The following LRMDA variants were observed in gnomAD, a reference collection of about 807,000 sequenced individuals.
LRMDA encodes leucine-rich melanocyte differentiation-associated protein.
Under a neutral mutation model 29.8 loss-of-function variants are expected in LRMDA, and 18 were observed. That is an observed-to-expected ratio of 0.60 (90% confidence interval 0.42 to 0.90). LRMDA has a LOEUF of 0.90. Among genes scored for constraint, LRMDA ranks in the 40% least tolerant of loss-of-function variants. The pLI, the probability that LRMDA is intolerant of heterozygous loss-of-function variation, is 0.00. For missense variants in LRMDA, 273 were observed against 273.9 expected, an observed-to-expected ratio of 1.00 and a Z score of 0.02; for synonymous variants, 125 against 109.4, an observed-to-expected ratio of 1.14 and a Z score of -0.89.
At chr10:75,455,048 C>T (rs1844499779) in intron 2 of LRMDA, among the ~76,000 whole-genome samples, 1 of 152,166 alleles carries the variant, frequency 6.6e-6, no homozygotes, top group Non-Finnish European at 1.5e-5. Flanking sequence ...TGGAGGATGC[C>T]AGTAGGGTTA....
At chr10:75,927,134 A>G (rs1433059973) in intron 2 of LRMDA, among the ~76,000 whole-genome samples, 1 of 152,234 alleles carries the variant, frequency 6.6e-6, no homozygotes, top group African/African-American at 2.4e-5. Flanking sequence ...GCCTCAGCTC[A>G]GGGGTCTCCA....
intron 5 of LRMDA, among the ~76,000 whole-genome samples, chr10:76,081,279 A>G (rs1849044751): frequency 6.6e-6 from 1 of 152,090 alleles, no homozygotes; most frequent in Non-Finnish European, 1.5e-5. Flanking sequence ...AGTTCAAGAA[A>G]AGCCTGGGAA....
intron 2 of LRMDA, among the ~76,000 whole-genome samples, chr10:75,614,647 A>G (rs997493060): frequency 4.6e-5 from 7 of 152,278 alleles, no homozygotes; most frequent in Admixed American, 2.6e-4. Context: ...GGGGCACTTC[A>G]GTCCCTGTGT....
chr10:75,491,056 A>G (rs1844981083), intron 2 of LRMDA, among the ~76,000 whole-genome samples: 1 of 152,264 alleles, frequency 6.6e-6, no homozygotes, highest in Non-Finnish European at 1.5e-5. Flanking sequence ...ACCATCAGGA[A>G]GGAAGGAGAG....
chr10:75,868,805 C>T (rs755049676), intron 2 of LRMDA, among the ~76,000 whole-genome samples: 3 of 152,148 alleles, frequency 2.0e-5, no homozygotes, highest in Non-Finnish European at 4.4e-5. Flanking sequence ...GGCTCACCTT[C>T]AAGGCCTGGC....
chr10:75,880,292 A>G (rs916160342), intron 2 of LRMDA, among the ~76,000 whole-genome samples: 1 of 152,232 alleles, frequency 6.6e-6, no homozygotes, highest in Non-Finnish European at 1.5e-5. Context: ...AAGAAGGAAT[A>G]TATTAGAAAC....
chr10:76,235,205 ACAGT>A (rs1852129733), intron 5 of LRMDA, among the ~76,000 whole-genome samples: 2 of 152,114 alleles, frequency 1.3e-5, no homozygotes, highest in South Asian at 2.1e-4. Flanking sequence ...AGATGGGGAA[ACAGT>A]CAGTTGGTGG....
intron 5 of LRMDA, among the ~76,000 whole-genome samples, chr10:76,183,100 G>T (rs751964061): frequency 6.6e-6 from 1 of 152,146 alleles, no homozygotes; most frequent in Non-Finnish European, 1.5e-5. Context: ...TTTCCTTGTG[G>T]ATGCTGTCCA....
intron 2 of LRMDA, among the ~76,000 whole-genome samples, chr10:75,950,148 C>T (rs1846549231): frequency 1.3e-5 from 2 of 152,174 alleles, no homozygotes; most frequent in South Asian, 4.1e-4. Flanking sequence ...AGGCTGGGGT[C>T]ACCCCCCTTC....
chr10:76,084,407 G>A (rs957118991), intron 5 of LRMDA, among the ~76,000 whole-genome samples: 1 of 82,898 alleles, frequency 1.2e-5, no homozygotes, highest in East Asian at 2.5e-4. Context: ...TAGAGTCAGG[G>A]TTTTACCATG....
At chr10:75,439,536 G>A (rs767411611) in intron 2 of LRMDA, among the ~76,000 whole-genome samples, 4 of 152,224 alleles carry the variant, frequency 2.6e-5, no homozygotes, top group Non-Finnish European at 5.9e-5. Flanking sequence ...AGGCACGAGA[G>A]GTGGAAGAGG....
intron 5 of LRMDA, among the ~76,000 whole-genome samples, chr10:76,258,685 T>C (rs1398819801): frequency 1.3e-5 from 2 of 152,198 alleles, no homozygotes; most frequent in Admixed American, 1.3e-4. Flanking sequence ...TTTTTTAGCT[T>C]CCACAATATG....
chr10:76,307,800 T>A (rs911301320), intron 5 of LRMDA, among the ~76,000 whole-genome samples: 1 of 152,192 alleles, frequency 6.6e-6, no homozygotes, highest in Admixed American at 6.5e-5. Context: ...GAAACAAAGC[T>A]GAGATAGAAA....
Position 75,537,102 on chromosome 10 carries a change from G to T in LRMDA, c.131+98608G>T, listed in dbSNP as rs935977466. 2.0e-5 allele frequency among the ~76,000 whole-genome samples: 3 copies of T among 152,132 alleles called. No individual in the cohort carries two copies. In the South Asian group the frequency reaches 6.2e-4, roughly 31 times the overall value. ...AGAGTGAACTTTTATGCCCAAACTA[G>T]CTAAGAGACTATTTTCTTCTGTCAC... On this transcript the variant is annotated intron_variant, in intron 2 of 6. Coordinates refer to ENST00000611255, the MANE Select transcript of LRMDA (RefSeq NM_001305581.2).
At chr10:76,280,769 C>A (rs1375556450) in intron 5 of LRMDA, among the ~76,000 whole-genome samples, 1 of 151,750 alleles carries the variant, frequency 6.6e-6, no homozygotes, top group Non-Finnish European at 1.5e-5. Flanking sequence ...TATGAGAAAA[C>A]CTCCGTAAAA....
chr10:76,071,128 T>C (rs1012144516), intron 5 of LRMDA, among the ~76,000 whole-genome samples: 2 of 152,156 alleles, frequency 1.3e-5, no homozygotes, highest in African/African-American at 4.8e-5. Context: ...TTGGCGAATC[T>C]GGAAATGAAG....
At chr10:75,692,229 TATATATATATATATATATAC>T (rs1301720047) in intron 2 of LRMDA, among the ~76,000 whole-genome samples, 1 of 134,164 alleles carries the variant, frequency 7.5e-6, no homozygotes, top group Non-Finnish European at 1.5e-5. Flanking sequence ...AATATATATA[TATATATATATATATATATAC>T]ATATATATAT....
At chr10:76,530,620 A>G (rs1228547001) in intron 6 of LRMDA, among the ~76,000 whole-genome samples, 1 of 152,154 alleles carries the variant, frequency 6.6e-6, no homozygotes, top group Non-Finnish European at 1.5e-5. Flanking sequence ...GAGGAAAGGG[A>G]GAAAGAGAAC....
intron 5 of LRMDA, among the ~76,000 whole-genome samples, chr10:76,170,123 G>A (rs1850807925): frequency 6.6e-6 from 1 of 152,188 alleles, no homozygotes; most frequent in African/African-American, 2.4e-5. Context: ...CATTCTTGCT[G>A]TACAGAATTC....
Sources: allele counts gnomAD v4.1 joint callset (sites outside exome capture counted in the v4.1 genomes callset), GRCh38; gene constraint gnomAD v4.1.1; transcripts MANE v1.5; gene names NCBI Gene and HGNC (gene_info 2026-07-23, HGNC 2026-07-21).